ISLR2: variants seen among roughly 807,000 people sequenced by gnomAD.
The protein encoded by ISLR2 is immunoglobulin superfamily containing leucine-rich repeat protein 2.
A neutral mutation model predicts 25.5 loss-of-function variants in ISLR2; 16 were observed. The observed-to-expected ratio is 0.63, with a 90% CI of 0.43 to 0.95. The LOEUF is 0.95. ISLR2 is among the 40% of genes least tolerant of loss of function. ISLR2 has a pLI of 0.00. For missense variants in ISLR2, 883 were observed against 1,030.7 expected, an observed-to-expected ratio of 0.86 and a Z score of 1.96; for synonymous variants, 508 against 486.6, an observed-to-expected ratio of 1.04 and a Z score of -0.58.
At chr15:74,107,062 G>C (rs749870784) in intron 2 of ISLR2, among the ~76,000 whole-genome samples, 31 of 151,310 alleles carry the variant, frequency 2.0e-4, no homozygotes, top group Middle Eastern at 6.8e-3. Context: ...TGGAGGGACT[G>C]GGGGGAGCAA....
upstream of ISLR2, chr15:74,126,114 C>G (rs61175151): frequency 0.062 from 9,474 of 151,986 alleles, 348 homozygotes; most frequent in South Asian, 0.17. Context: ...GTGAAGAGGT[C>G]TGGGGGCAGA....
intron 1 of ISLR2, among the ~76,000 whole-genome samples, chr15:74,102,088 T>C (rs1410250406): frequency 4.0e-5 from 6 of 149,308 alleles, no homozygotes; most frequent in Admixed American, 6.7e-5. Flanking sequence ...GGCATGGTGC[T>C]GGGTGCCTGT....
upstream of ISLR2, chr15:74,128,422 T>C (rs1389281727): frequency 2.2e-6 from 1 of 455,668 alleles, no homozygotes; most frequent in Non-Finnish European, 4.4e-6. Context: ...GGTCACCGCG[T>C]CCTTAACCAC....
chr15:74,141,442 C>T (rs546659168), downstream of ISLR2, among the ~76,000 whole-genome samples: 85 of 152,150 alleles, frequency 5.6e-4, 1 homozygote, highest in African/African-American at 2.0e-3. Flanking sequence ...TGATCATTGT[C>T]GAAATGGGGA....
rs530505265 is a variant in ISLR2 at position 74,132,331 on chromosome 15, T to C, written c.-8-416T>C. Among the ~76,000 whole-genome samples, 7 of 152,186 alleles carry C rather than the reference T, an allele frequency of 4.6e-5. No individual in the cohort carries two copies. The East Asian group carries it at 1.4e-3, about 29-fold the overall frequency. ...GCGAGTGCTGTGCGTGGGACAAAGG[T>C]TCCAGGGAGGACAGCCAGTCACGGA... is the stretch of plus-strand genomic sequence containing the variant. On this transcript the variant is annotated intron_variant, in intron 2 of 2. Coordinates refer to ENST00000453268, the MANE Select transcript of ISLR2 (RefSeq NM_020851.3). This position sits in a 1 kb window ranked among gnomAD's most constrained non-coding sequence, Gnocchi z 4.3.
At chr15:74,107,866 C>G (rs2072133748) in intron 2 of ISLR2, among the ~76,000 whole-genome samples, 1 of 152,162 alleles carries the variant, frequency 6.6e-6, no homozygotes, top group Non-Finnish European at 1.5e-5. Context: ...GGGTATGGAT[C>G]AGGCTCTCCA....
upstream of ISLR2, chr15:74,130,570 GCATT>G (rs969542666): frequency 2.0e-5 from 3 of 152,630 alleles, no homozygotes; most frequent in African/African-American, 7.2e-5. Context: ...AAAGCGGCTT[GCATT>G]CAATTAGCAG....
downstream of ISLR2, among the ~76,000 whole-genome samples, chr15:74,140,776 A>G (rs1389533204): frequency 6.6e-6 from 1 of 152,222 alleles, no homozygotes; most frequent in Admixed American, 6.5e-5. Flanking sequence ...TTCAGTTGTA[A>G]TGTGTCAATT....
In ISLR2 at chr15:74,132,368, T is replaced by C. The variant is rs1197451559; in HGVS notation, c.-8-379T>C. On this transcript the variant is annotated intron_variant, in intron 2 of 2. Coordinates refer to ENST00000453268, the MANE Select transcript of ISLR2 (RefSeq NM_020851.3). The surrounding 1 kb of genome is among the most constrained non-coding windows in gnomAD (Gnocchi z 4.3). ...CAGCCAGTCACGGACAAAAATGTCC[T>C]TCTTGGGTAGGATCCATTTCACCAG... Among the ~76,000 whole-genome samples, 1 of 152,180 alleles carries C rather than the reference T, an allele frequency of 6.6e-6. No homozygotes were observed. The highest frequency in any genetic ancestry group is 2.4e-5 in the African/African-American group (1 of 41,442).
downstream of ISLR2, chr15:74,136,850 C>A (rs1410682832): frequency 6.0e-6 from 1 of 166,850 alleles, no homozygotes; most frequent in Admixed American, 6.5e-5. Flanking sequence ...GAGGCCTGGG[C>A]GATGAAGGAG....
At chr15:74,118,793 G>A (rs962579507) in intron 2 of ISLR2, among the ~76,000 whole-genome samples, 5 of 151,956 alleles carry the variant, frequency 3.3e-5, no homozygotes, top group Non-Finnish European at 7.4e-5. Context: ...AAATAGCTGG[G>A]ACTACAGGTG....
At chr15:74,115,388 A>C (rs2072202669) in intron 2 of ISLR2, among the ~76,000 whole-genome samples, 1 of 152,248 alleles carries the variant, frequency 6.6e-6, no homozygotes, top group Non-Finnish European at 1.5e-5. Context: ...AATGTCTACC[A>C]GTAAATAAAA....
chr15:74,133,952 A>G lies in ISLR2; in HGVS notation c.1198A>G (p.Thr400Ala). Residue 400 changes from threonine to alanine, a missense_variant, in exon 3 of 3, where the codon ACA (threonine) becomes GCA (alanine). Thr to Ala is a moderately conservative substitution (Grantham distance 58, BLOSUM62 0). Around this residue, in one of 2 missense-constraint regions of ISLR2, gnomAD observed 612 missense variants for 642.8 expected, o/e 0.95. Transcript: ENST00000453268. ...GGCCCCGACCTCTGAGCGCAAGTCC[A>G]CAGCCAAGGGCCGGGGCAACAGCGT... ...GQAPTSERKS[T>A]AKGRGNSVLP... The G allele has an allele frequency of 4.4e-6, 7 of 1,607,948 alleles. No homozygotes were observed. The highest frequency in any genetic ancestry group is 5.9e-6 in the Non-Finnish European group (7 of 1,177,408).
downstream of ISLR2, among the ~76,000 whole-genome samples, chr15:74,139,217 G>T (rs572252676): frequency 2.0e-5 from 3 of 152,130 alleles, no homozygotes; most frequent in East Asian, 5.8e-4. Context: ...GAATGAATAC[G>T]TGTTGGAGGC....
At chr15:74,103,414 C>T (rs1399121204) in intron 1 of ISLR2, among the ~76,000 whole-genome samples, 2 of 148,648 alleles carry the variant, frequency 1.3e-5, no homozygotes, top group African/African-American at 2.6e-5. Context: ...ACCAGCCTAG[C>T]CAACATGTCG....
In ISLR2 at chr15:74,134,320, C is replaced by A. The variant is rs926435010; in HGVS notation, c.1566C>A (p.Pro522=). 1.3e-6 allele frequency: 2 copies of A among 1,533,768 alleles called. No individual in the cohort carries two copies. Among genetic ancestry groups the A allele is most frequent in the African/African-American group, 2.8e-5 (2 of 72,448 alleles). ...GPGGAGGAPR[P]GRRPLRLLYL... ...GCGGGGCTGGCGGAGCCCCGCGACCCGGGCGGCGACCCCTGCGCCTACTCT... is the reference window on the plus strand; with the variant it reads ...GCGGGGCTGGCGGAGCCCCGCGACCAGGGCGGCGACCCCTGCGCCTACTCT... The change falls in exon 3 of 3, where the codon CCC becomes CCA. Residue 522 remains proline (P), a synonymous_variant. Transcript: ENST00000453268.
At chr15:74,123,024 C>T (rs1260769878) in intron 2 of ISLR2, among the ~76,000 whole-genome samples, 4 of 152,174 alleles carry the variant, frequency 2.6e-5, no homozygotes, top group African/African-American at 9.7e-5. Flanking sequence ...CAGCCTTGTT[C>T]TTTCCTGGTC....
chr15:74,138,628 C>G (rs1316335977), downstream of ISLR2: 1 of 152,272 alleles, frequency 6.6e-6, no homozygotes, highest in Non-Finnish European at 1.5e-5. Flanking sequence ...GCGGAGATAA[C>G]TGACATGGGT....
rs754730463 is a variant in ISLR2, at chr15:74,133,813, C to T, written c.1059C>T (p.Tyr353=). ...PLLSAKEAGV[Y]TCRAHNELGA... The stretch of plus-strand genomic sequence containing the variant: ...TGAGTGCCAAGGAGGCGGGCGTCTA[C>T]ACTTGCCGTGCACACAATGAGCTGG... Residue 353 remains tyrosine, a synonymous_variant, in exon 3 of 3, where the codon TAC becomes TAT. Transcript: ENST00000453268. The T allele has an allele frequency of 1.7e-5, 28 of 1,613,942 alleles. 1 individual carries two copies. In the Middle Eastern group the frequency reaches 4.0e-3, roughly 228 times the overall value.
Sources: gnomAD v4.1 joint callset for allele counts (sites outside exome capture counted in the v4.1 genomes callset) on GRCh38, gnomAD v4.1.1 for gene constraint, gnomAD v4.1.1 regional missense constraint, Gnocchi (gnomAD v3.1) non-coding constraint, MANE v1.5 for transcripts, NCBI Gene and HGNC (gene_info 2026-07-23, HGNC 2026-07-21) for gene names.